Variants in CHL1 observed in about 807,000 individuals in gnomAD.
CHL1 encodes cell adhesion molecule L1 like, also known as neural cell adhesion molecule L1-like protein.
Under a neutral mutation model 141.9 loss-of-function variants are expected in CHL1, and 96 were observed. The ratio of observed to expected loss-of-function variants is 0.68; its 90% confidence interval spans 0.57 to 0.80. CHL1 has a LOEUF of 0.80. Among genes scored for constraint, CHL1 ranks in the 30% least tolerant of loss-of-function variants. The pLI is 0.00. For synonymous variants in CHL1, 613 were observed against 502.2 expected, an observed-to-expected ratio of 1.22 and a Z score of -2.95; for missense variants, 1,820 against 1,457.2, an observed-to-expected ratio of 1.25 and a Z score of -4.05.
chr3:343,356 G>A (rs913510898), intron 8 of CHL1, among the ~76,000 whole-genome samples: 2 of 152,130 alleles, frequency 1.3e-5, no homozygotes, highest in African/African-American at 2.4e-5. Context: ...TTTGCAGAAA[G>A]AAAAGAAATG....
intron 1 of CHL1, among the ~76,000 whole-genome samples, chr3:201,082 T>C (rs1698886636): frequency 6.6e-6 from 1 of 152,226 alleles, no homozygotes; most frequent in African/African-American, 2.4e-5. Context: ...AAAGTCACTA[T>C]AATTTTCCCA....
chr3:244,075 G>C (rs1324367745), intron 1 of CHL1, among the ~76,000 whole-genome samples: 2 of 151,580 alleles, frequency 1.3e-5, no homozygotes, highest in Non-Finnish European at 2.9e-5. Context: ...TGTTTTAAGA[G>C]ATAGGCGGCT....
intron 2 of CHL1, among the ~76,000 whole-genome samples, chr3:288,191 G>C (rs80325740): frequency 6.6e-6 from 1 of 152,134 alleles, no homozygotes. Flanking sequence ...AGTACAATTA[G>C]TGCATTTTTC....
intron 13 of CHL1, 111 bp downstream of exon 13, chr3:361,921 C>T (rs1344875693): frequency 2.7e-6 from 2 of 736,734 alleles, no homozygotes; most frequent in African/African-American, 3.5e-5. Flanking sequence ...TACATGTACC[C>T]AGTACCTCTG....
intron 4 of CHL1, among the ~76,000 whole-genome samples, chr3:327,605 G>A (rs183108847): frequency 1.3e-5 from 2 of 151,872 alleles, no homozygotes; most frequent in African/African-American, 4.8e-5. Flanking sequence ...CATTGAAATG[G>A]TTAAAAGTAA....
At chr3:360,202 C>G in intron 11 of CHL1, 82 bp from the exon 12 acceptor site, 2 of 1,485,506 alleles carry the variant, frequency 1.3e-6, no homozygotes, top group Non-Finnish European at 1.8e-6. Flanking sequence ...AATATAAATA[C>G]TGTGTGACAC....
At chr3:336,845 C>A (rs1701904726) in intron 5 of CHL1, among the ~76,000 whole-genome samples, 1 of 152,196 alleles carries the variant, frequency 6.6e-6, no homozygotes, top group Non-Finnish European at 1.5e-5. Context: ...AATTTTGTAT[C>A]TGCAGGTTGG....
intron 1 of CHL1, among the ~76,000 whole-genome samples, chr3:227,838 G>A (rs987438658): frequency 1.3e-5 from 2 of 152,186 alleles, no homozygotes; most frequent in Admixed American, 1.3e-4. Context: ...GTATTGTGCT[G>A]TGTGTTTCCA....
At chr3:239,466 C>T (rs1451282813) in intron 1 of CHL1, among the ~76,000 whole-genome samples, 1 of 151,978 alleles carries the variant, frequency 6.6e-6, no homozygotes, top group Non-Finnish European at 1.5e-5. Flanking sequence ...AATGTGCTCC[C>T]TCCTGCTCCA....
intron 16 of CHL1, among the ~76,000 whole-genome samples, chr3:378,334 T>C (rs143633275): frequency 0.013 from 1,953 of 152,194 alleles, 39 homozygotes; most frequent in African/African-American, 0.044. Context: ...GGATGCACGG[T>C]GGTCATCTCT....
At chr3:388,723 C>T (rs1333983871) in intron 19 of CHL1, among the ~76,000 whole-genome samples, 1 of 151,922 alleles carries the variant, frequency 6.6e-6, no homozygotes, top group Non-Finnish European at 1.5e-5. Context: ...AAAATATGAA[C>T]ATTCATATTC....
intron 26 of CHL1, 67 bp from the exon 27 acceptor site, chr3:401,559 C>A: frequency 2.2e-6 from 2 of 893,852 alleles, no homozygotes; most frequent in Non-Finnish European, 3.6e-6. Context: ...AACTATTCCA[C>A]AGCACTGGTA....
chr3:286,856 C>T (rs916801733), intron 2 of CHL1, among the ~76,000 whole-genome samples: 22 of 152,102 alleles, frequency 1.4e-4, no homozygotes, highest in South Asian at 6.2e-4. Context: ...CATTTGTAAA[C>T]TGTCATGGCA....
intron 5 of CHL1, among the ~76,000 whole-genome samples, chr3:337,797 G>T (rs576229167): frequency 6.6e-6 from 1 of 152,120 alleles, no homozygotes; most frequent in African/African-American, 2.4e-5. Context: ...GTTGGTTGCA[G>T]GTCTTTACTA....
intron 5 of CHL1, among the ~76,000 whole-genome samples, chr3:332,993 T>C (rs1271497346): frequency 1.3e-5 from 2 of 152,054 alleles, no homozygotes; most frequent in Admixed American, 6.6e-5. Flanking sequence ...AGTTTTTTTT[T>C]CTGTCATTAT....
chr3:204,155 T>C (rs939989515), intron 1 of CHL1, among the ~76,000 whole-genome samples: 7 of 152,380 alleles, frequency 4.6e-5, no homozygotes, highest in Admixed American at 3.9e-4. Context: ...ATCTATGCTT[T>C]CTAAGATGAG....
chr3:378,889 A>G (rs993034946), intron 16 of CHL1, among the ~76,000 whole-genome samples: 2 of 152,126 alleles, frequency 1.3e-5, no homozygotes, highest in East Asian at 1.9e-4. Context: ...ACGTTTTATT[A>G]AAACATTTTG....
chr3:389,214 C>A, intron 19 of CHL1, 38 bp from the exon 20 acceptor site: 1 of 1,516,230 alleles, frequency 6.6e-7, no homozygotes, highest in Non-Finnish European at 9.0e-7. Flanking sequence ...GTCAACACAT[C>A]TGTGATCAGA....
chr3:378,835 C>G (rs1433691738), intron 16 of CHL1, among the ~76,000 whole-genome samples: 1 of 152,144 alleles, frequency 6.6e-6, no homozygotes, highest in African/African-American at 2.4e-5. Context: ...TCAAGTCTCT[C>G]TCACACCCAA....
Sources: allele counts gnomAD v4.1 joint callset (sites outside exome capture counted in the v4.1 genomes callset), GRCh38; gene constraint gnomAD v4.1.1; transcripts MANE v1.5; gene names NCBI Gene and HGNC (gene_info 2026-07-23, HGNC 2026-07-21).